ANKFN1: variants seen among roughly 807,000 people sequenced by gnomAD.
ANKFN1 encodes the protein ankyrin repeat and fibronectin type-III domain-containing protein 1.
Under a neutral mutation model 108.7 loss-of-function variants are expected in ANKFN1, and 74 were observed. The ratio of observed to expected loss-of-function variants is 0.68; its 90% confidence interval spans 0.56 to 0.83. The LOEUF (loss-of-function observed/expected upper bound fraction) is 0.83, where lower values mean the gene tolerates loss of function less well. Ranked by LOEUF, ANKFN1 falls within the 40% of genes least tolerant of loss-of-function variation. The pLI is 0.00. For synonymous variants in ANKFN1, 547 were observed against 516.2 expected, an observed-to-expected ratio of 1.06 and a Z score of -0.81; for missense variants, 1,505 against 1,382.3, an observed-to-expected ratio of 1.09 and a Z score of -1.41.
At chr17:56,062,570 T>C (rs1245264852) in intron 4 of ANKFN1, among the ~76,000 whole-genome samples, 1 of 151,266 alleles carries the variant, frequency 6.6e-6, no homozygotes, top group Non-Finnish European at 1.5e-5. Flanking sequence ...TTTTTTTTTT[T>C]TTTCTTTCCA....
At chr17:56,052,488 G>A (rs1047180658) in intron 4 of ANKFN1, among the ~76,000 whole-genome samples, 5 of 152,170 alleles carry the variant, frequency 3.3e-5, no homozygotes, top group African/African-American at 1.2e-4. Context: ...CTTTTAAATG[G>A]TAGTATTTAA....
intron 4 of ANKFN1, among the ~76,000 whole-genome samples, chr17:56,049,527 G>A (rs1273308860): frequency 6.6e-6 from 1 of 151,762 alleles, no homozygotes; most frequent in Non-Finnish European, 1.5e-5. Flanking sequence ...ATCTCCCAAT[G>A]CTATCCCTCC....
intron 4 of ANKFN1, among the ~76,000 whole-genome samples, chr17:56,129,129 C>T (rs985231687): frequency 1.3e-5 from 2 of 152,126 alleles, no homozygotes; most frequent in African/African-American, 4.8e-5. Context: ...ATCATTGGTA[C>T]CTTCTATTAC....
chr17:56,469,146 C>T (rs768772875), intron 15 of ANKFN1, among the ~76,000 whole-genome samples: 8 of 152,058 alleles, frequency 5.3e-5, no homozygotes, highest in Admixed American at 2.6e-4. Flanking sequence ...GAGGCAGGAT[C>T]GGGTTTCCAC....
chr17:56,373,957 G>T (rs1354335708), intron 7 of ANKFN1, among the ~76,000 whole-genome samples: 1 of 152,176 alleles, frequency 6.6e-6, no homozygotes, highest in Non-Finnish European at 1.5e-5. Context: ...TAAAACCTGA[G>T]GTTAGTGGAC....
Position 56,514,693 on chromosome 17 carries a change from A to C in ANKFN1, c.*3424A>C, listed in dbSNP as rs1006215192. 6.6e-6 allele frequency among the ~76,000 whole-genome samples: 1 copy of C among 152,172 alleles called. No individual in the cohort carries two copies. On this transcript the variant is annotated 3_prime_UTR_variant, in exon 21 of 21. Coordinates refer to ENST00000682825, the MANE Select transcript of ANKFN1 (RefSeq NM_001370326.1). Reference sequence around the variant, plus strand: ...ATAATTACACTGGAGAAATTGTTTCATTTGGTTTGAAAATTGAAGCAAGTT... The same window carrying C: ...ATAATTACACTGGAGAAATTGTTTCCTTTGGTTTGAAAATTGAAGCAAGTT...
At chr17:56,368,080 C>T (rs1232540097) in intron 6 of ANKFN1, 5 of 862,386 alleles carry the variant, frequency 5.8e-6, no homozygotes, top group Non-Finnish European at 8.1e-6. Flanking sequence ...GATCCAGAGG[C>T]TAGTAGTTAC....
At chr17:56,333,751 C>T (rs1327919633) in intron 4 of ANKFN1, among the ~76,000 whole-genome samples, 1 of 151,994 alleles carries the variant, frequency 6.6e-6, no homozygotes, top group Non-Finnish European at 1.5e-5. Flanking sequence ...CCTTAAAGGT[C>T]TGGTAGGCTG....
At chr17:56,123,714 C>T (rs1225821043) in intron 4 of ANKFN1, among the ~76,000 whole-genome samples, 1 of 151,972 alleles carries the variant, frequency 6.6e-6, no homozygotes, top group African/African-American at 2.4e-5. Context: ...GACCTTGCTG[C>T]TCATGGATTA....
chr17:56,457,029 G>T (rs1227330875), intron 12 of ANKFN1, 69 bp downstream of exon 12: 2 of 1,428,060 alleles, frequency 1.4e-6, no homozygotes, highest in East Asian at 4.7e-5. Context: ...GTTCTGAGTA[G>T]AAACTTGGTA....
chr17:56,178,066 A>G (rs527392878), intron 1 of ANKFN1, among the ~76,000 whole-genome samples: 1 of 152,152 alleles, frequency 6.6e-6, no homozygotes, highest in Non-Finnish European at 1.5e-5. Context: ...TGGGGGTAGC[A>G]GGATGTCATT....
chr17:56,335,458 C>T (rs1045353247), intron 4 of ANKFN1, among the ~76,000 whole-genome samples: 2 of 151,912 alleles, frequency 1.3e-5, no homozygotes, highest in Admixed American at 1.3e-4. Context: ...TGGATTCCTA[C>T]ATATTTTATT....
chr17:56,093,270 T>C (rs1015443494), intron 4 of ANKFN1, among the ~76,000 whole-genome samples: 16 of 151,190 alleles, frequency 1.1e-4, no homozygotes, highest in African/African-American at 3.9e-4. Flanking sequence ...CACAAAGAGT[T>C]CAGCAGCTTA....
At chr17:56,382,091 T>C (rs1373107619) in intron 8 of ANKFN1, among the ~76,000 whole-genome samples, 1 of 152,094 alleles carries the variant, frequency 6.6e-6, no homozygotes, top group Non-Finnish European at 1.5e-5. Flanking sequence ...GGATCTCTCG[T>C]TACCCACAAA....
At chr17:56,095,207 G>A (rs1235779043) in intron 4 of ANKFN1, among the ~76,000 whole-genome samples, 1 of 150,948 alleles carries the variant, frequency 6.6e-6, no homozygotes, top group Non-Finnish European at 1.5e-5. Flanking sequence ...CCTTTTAAGA[G>A]CAATGTAACT....
Position 56,326,134 on chromosome 17 carries a change from T to C in ANKFN1, c.54-87T>C, listed in dbSNP as rs571236874. 4.8e-5 allele frequency: 71 copies of C among 1,487,540 alleles called. No homozygotes were observed. The African/African-American group carries it at 8.5e-4, about 18-fold the overall frequency. The allele number at this position is 1,487,540 out of a possible 1,614,324, so 92.1% of individuals were successfully genotyped here. A position where few individuals can be genotyped will look rare whatever the true frequency, so the allele number is the denominator to read the frequency against. On this transcript the variant is annotated intron_variant, in intron 3 of 20. Transcript: ENST00000682825. ...TTCTCTCCCTATGCATCATTTCCTC[T>C]TTTATTTTGCATTAAGAGTATCTTC...
Position 56,510,860 on chromosome 17 carries a change from TCAGCCGC to T in ANKFN1, c.3035_3041del (p.Ser1012IlefsTer51), listed in dbSNP as rs1303228181. 1.5e-5 allele frequency: 23 copies of T among 1,535,952 alleles called. No homozygotes were observed. In the Admixed American group the frequency reaches 3.3e-4, roughly 22 times the overall value. ...GGCAAGCACCCCCACTATGGCGGCT[TCAGCCGC>T]CATCATCGCTGGTTGCGCATCCACA... On this transcript the variant is annotated frameshift_variant, in exon 21 of 21. Coordinates refer to ENST00000682825, the MANE Select transcript of ANKFN1 (RefSeq NM_001370326.1). LOFTEE classifies it low-confidence loss of function (END_TRUNC).
At chr17:56,329,163 A>C (rs996130108) in intron 4 of ANKFN1, among the ~76,000 whole-genome samples, 3 of 152,104 alleles carry the variant, frequency 2.0e-5, no homozygotes, top group Non-Finnish European at 2.9e-5. Flanking sequence ...TATGATTCTT[A>C]TCATGGCATG....
chr17:56,074,772 G>A (rs1042500390), intron 4 of ANKFN1, among the ~76,000 whole-genome samples: 2 of 152,126 alleles, frequency 1.3e-5, no homozygotes, highest in Non-Finnish European at 2.9e-5. Context: ...CTTCAAGACA[G>A]AATCATCCTT....
Sources: allele counts gnomAD v4.1 joint callset (sites outside exome capture counted in the v4.1 genomes callset), GRCh38; gene constraint gnomAD v4.1.1; transcripts MANE v1.5; gene names NCBI Gene and HGNC (gene_info 2026-07-23, HGNC 2026-07-21).